RPAP2: variants seen among roughly 807,000 people sequenced by gnomAD.
RPAP2 encodes RNA polymerase II associated protein 2.
RPAP2 carries 52 observed loss-of-function variants against 73.1 expected under a neutral mutation model. The ratio of observed to expected loss-of-function variants is 0.71; its 90% CI spans 0.57 to 0.90. RPAP2 has a LOEUF of 0.90. Among genes scored for constraint, RPAP2 ranks in the 40% least tolerant of loss-of-function variants. The probability of loss-of-function intolerance (pLI) is 0.00; values close to 1 mark genes in which losing one functional copy is unlikely to be tolerated. For missense variants in RPAP2, 598 were observed against 701.8 expected, an observed-to-expected ratio of 0.85 and a Z score of 1.67; for synonymous variants, 225 against 242.1, an observed-to-expected ratio of 0.93 and a Z score of 0.65.
chr1:92,323,166 C>T (rs908274039), intron 7 of RPAP2, among the ~76,000 whole-genome samples: 1 of 149,202 alleles, frequency 6.7e-6, no homozygotes, highest in East Asian at 1.9e-4. Context: ...TTGCTGTACT[C>T]CTGTAACAAT....
Position 92,401,616 on chromosome 1 carries a change from G to A in RPAP2, c.*14605G>A, listed in dbSNP as rs1330894363. On this transcript the variant is annotated 3_prime_UTR_variant, in exon 13 of 13. Coordinates refer to ENST00000610020, the MANE Select transcript of RPAP2 (RefSeq NM_024813.3). The stretch of plus-strand genomic sequence containing the variant: ...CCTCCCCTTGTTCCTAATTTTAGAG[G>A]GAAAGTACTCAGTCTTTCGCCATTA... 6.6e-6 allele frequency: 1 copy of A among 152,116 alleles called. No homozygotes were observed. Among genetic ancestry groups the A allele is most frequent in the Non-Finnish European group, 1.5e-5 (1 of 68,026 alleles). 9.4% of individuals were successfully genotyped at this position (152,116 alleles called of 1,614,324 possible).
intron 11 of RPAP2, among the ~76,000 whole-genome samples, chr1:92,363,932 A>G (rs985003642): frequency 1.3e-5 from 2 of 152,174 alleles, no homozygotes; most frequent in Non-Finnish European, 2.9e-5. Flanking sequence ...TGTTGTCTCT[A>G]AGGCTTCTGG....
chr1:92,345,362 G>A (rs1296084039), intron 10 of RPAP2, among the ~76,000 whole-genome samples: 1 of 114,186 alleles, frequency 8.8e-6, no homozygotes, highest in Non-Finnish European at 1.7e-5. Flanking sequence ...AGGCAACATA[G>A]CAAGACCCCG....
chr1:92,340,902 G>A (rs1026922716), intron 10 of RPAP2, among the ~76,000 whole-genome samples: 3 of 152,006 alleles, frequency 2.0e-5, no homozygotes, highest in African/African-American at 7.2e-5. Flanking sequence ...TTCTAAATTT[G>A]AATTAAAATT....
intron 6 of RPAP2, among the ~76,000 whole-genome samples, chr1:92,309,210 G>A (rs11586355): frequency 0.26 from 39,262 of 151,950 alleles, 6,476 homozygotes; most frequent in Non-Finnish European, 0.35. Flanking sequence ...TTGGGAGGCC[G>A]AGGGGGGCAG....
intron 11 of RPAP2, among the ~76,000 whole-genome samples, chr1:92,347,544 C>A (rs1349563253): frequency 6.6e-6 from 1 of 152,202 alleles, no homozygotes; most frequent in Non-Finnish European, 1.5e-5. Flanking sequence ...TTACTGAAGA[C>A]ACATTAAGTC....
Position 92,371,313 on chromosome 1 carries a change from AAAAAAAATAT to A in RPAP2, c.1689-9409_1689-9400del, listed in dbSNP as rs1318477692. On this transcript the variant is annotated intron_variant, in intron 11 of 12. Coordinates refer to ENST00000610020, the MANE Select transcript of RPAP2 (RefSeq NM_024813.3). ...GAGTGAGTCTCTGTCTCAAAAAAAAAAAAAAAATATATATATATATATATACCTACAGTAT... is the reference window on the plus strand; with the variant it reads ...GAGTGAGTCTCTGTCTCAAAAAAAAAATATATATATATATACCTACAGTAT... 3.6e-5 allele frequency among the ~76,000 whole-genome samples: 5 copies of A among 138,178 alleles called. No homozygotes were observed. The East Asian group carries it at 8.2e-4, about 23-fold the overall frequency. 90.7% of individuals were successfully genotyped at this position (138,178 alleles called of 152,430 possible).
At chr1:92,320,173 G>A (rs541795591) in intron 6 of RPAP2, among the ~76,000 whole-genome samples, 3 of 152,224 alleles carry the variant, frequency 2.0e-5, no homozygotes, top group South Asian at 2.1e-4. Context: ...TTGGGCTGGT[G>A]GAATTTGAAC....
At position 92,323,882 on chromosome 1, in the gene RPAP2, G is replaced by C; in HGVS notation, c.962G>C (p.Arg321Thr). 1 of 1,613,990 alleles carries C rather than the reference G, an allele frequency of 6.2e-7. No homozygotes were observed. The highest frequency in any genetic ancestry group is 1.6e-4 in the Middle Eastern group (1 of 6,062). ...GAAAATTCTGAAAGTGAATACAGTA[G>C]GTCAGAAATAACTCTAGTAGGCATA... ...ASENSESEYSRSEITLVGISK... is the reference protein window; with the variant it reads ...ASENSESEYSTSEITLVGISK... Residue 321 changes from arginine (R) to threonine (T), a missense_variant, in exon 8 of 13, where the codon AGG becomes ACG. Coordinates refer to ENST00000610020, the MANE Select transcript of RPAP2 (RefSeq NM_024813.3).
intron 2 of RPAP2, among the ~76,000 whole-genome samples, chr1:92,300,507 A>G (rs1650756961): frequency 1.3e-5 from 2 of 152,076 alleles, no homozygotes; most frequent in South Asian, 4.1e-4. Flanking sequence ...CTTCAGGTAC[A>G]CTCTCCTTTT....
chr1:92,368,673 T>C (rs762402632), intron 11 of RPAP2, among the ~76,000 whole-genome samples: 2 of 152,214 alleles, frequency 1.3e-5, no homozygotes, highest in Non-Finnish European at 2.9e-5. Flanking sequence ...TGCCCAAACT[T>C]GGAAACTCTT....
Position 92,391,271 on chromosome 1 carries a change from C to T in RPAP2, c.*4260C>T. ...CTGCATGGAAACTGAACAACCTGTT[C>T]CTGAATGACTACTGGGTAAATAACG... is the stretch of plus-strand genomic sequence containing the variant. On this transcript the variant is annotated 3_prime_UTR_variant, in exon 13 of 13. Transcript: ENST00000610020. 6.6e-6 allele frequency: 1 copy of T among 152,114 alleles called. No individual in the cohort carries two copies. The highest frequency in any genetic ancestry group is 1.9e-4 in the East Asian group (1 of 5,188). The allele number at this position is 152,114 out of a possible 1,614,324, so 9.4% of individuals were successfully genotyped here. A position where few individuals can be genotyped will look rare whatever the true frequency, so the allele number is the denominator to read the frequency against.
intron 7 of RPAP2, among the ~76,000 whole-genome samples, chr1:92,321,654 T>C (rs1652271505): frequency 6.6e-6 from 1 of 152,100 alleles, no homozygotes; most frequent in Non-Finnish European, 1.5e-5. Context: ...TCAAATCTAA[T>C]CTGAAAATTG....
chr1:92,363,784 C>T (rs189978850), intron 11 of RPAP2: 20 of 289,232 alleles, frequency 6.9e-5, no homozygotes, highest in African/African-American at 3.5e-4. Flanking sequence ...AATATATTTT[C>T]TCTTCTTTAT....
intron 12 of RPAP2, among the ~76,000 whole-genome samples, chr1:92,381,588 C>CTTT (rs4000737): frequency 0.032 from 4,510 of 139,324 alleles, 143 homozygotes; most frequent in African/African-American, 0.053. Flanking sequence ...GGGAGATTTT[C>CTTT]TTTTTTTTTT....
At chr1:92,305,879 C>T (rs1276856044) in intron 5 of RPAP2, among the ~76,000 whole-genome samples, 1 of 152,126 alleles carries the variant, frequency 6.6e-6, no homozygotes, top group Non-Finnish European at 1.5e-5. Context: ...AATGGCTTGG[C>T]ATTTGTCTGG....
At position 92,399,073 on chromosome 1, in the gene RPAP2, T is replaced by G. The variant is rs909257920; in HGVS notation, c.*12062T>G. On this transcript the variant is annotated 3_prime_UTR_variant, in exon 13 of 13. Transcript: ENST00000610020. ...AGGTGGAATTGGATCAAAATACCTT[T>G]AGATGAAAGCAGCAGCACAAGCCAT... 2.0e-5 allele frequency: 3 copies of G among 152,306 alleles called. No individual in the cohort carries two copies. The highest frequency in any genetic ancestry group is 4.1e-4 in the South Asian group (2 of 4,826). The allele number at this position is 152,306 out of a possible 1,614,324, so 9.4% of individuals were successfully genotyped here.
chr1:92,391,488 C>T lies in RPAP2; in HGVS notation c.*4477C>T, dbSNP rs557599335. 6.6e-6 allele frequency: 1 copy of T among 151,444 alleles called. No homozygotes were observed. The highest frequency in any genetic ancestry group is 1.5e-5 in the Non-Finnish European group (1 of 67,610). The allele number at this position is 151,444 out of a possible 1,614,324, so 9.4% of individuals were successfully genotyped here. A position where few individuals can be genotyped will look rare whatever the true frequency, so the allele number is the denominator to read the frequency against. ...ATTAAAAGAACTAGAGAAGCAAGAC[C>T]AAACAAATTCAAAAGCTAGCAGAAG... On this transcript the variant is annotated 3_prime_UTR_variant, in exon 13 of 13. Transcript: ENST00000610020.
At chr1:92,376,444 A>C (rs1299386659) in intron 11 of RPAP2, among the ~76,000 whole-genome samples, 1 of 152,210 alleles carries the variant, frequency 6.6e-6, no homozygotes, top group East Asian at 1.9e-4. Flanking sequence ...CTTTCCAAGA[A>C]TATAATTATG....
Sources: allele counts gnomAD v4.1 joint callset (sites outside exome capture counted in the v4.1 genomes callset), GRCh38; gene constraint gnomAD v4.1.1; transcripts MANE v1.5; gene names NCBI Gene and HGNC (gene_info 2026-07-23, HGNC 2026-07-21).